CNTN1: variants seen among roughly 807,000 people sequenced by gnomAD.
CNTN1 encodes the protein contactin 1.
In CNTN1, 38 loss-of-function variants were observed where a neutral mutation model predicts 126.4. That is an observed-to-expected ratio of 0.30 (90% CI 0.23 to 0.39). The LOEUF is 0.39. Ranked by LOEUF, CNTN1 falls within the 10% of genes least tolerant of loss-of-function variation. The probability of loss-of-function intolerance (pLI) is 1.00; values close to 1 mark genes in which losing one functional copy is unlikely to be tolerated. For synonymous variants in CNTN1, 413 were observed against 422.6 expected (o/e 0.98, Z 0.28); for missense variants, 1,009 against 1,248.4 (o/e 0.81, Z 2.89).
At chr12:41,051,586 A>T (rs1346853725) in intron 23 of CNTN1, among the ~76,000 whole-genome samples, 1 of 152,104 alleles carries the variant, frequency 6.6e-6, no homozygotes. Context: ...CTATTATATT[A>T]TTCTACAATT....
At chr12:40,860,807 T>G (rs1943092532) in intron 1 of CNTN1, among the ~76,000 whole-genome samples, 1 of 152,104 alleles carries the variant, frequency 6.6e-6, no homozygotes, top group Non-Finnish European at 1.5e-5. Context: ...TACTTACACA[T>G]GATTCATTGG....
At position 40,906,669 on chromosome 12, in the gene CNTN1, C is replaced by CTTTTTTTTTTTTTTTTTTTTTTTTTTT. The variant is rs111442544; in HGVS notation, c.-76-1679_-76-1678insTTTTTTTTTTTTTTTTTTTTTTTTTTT. ...TTTCCTTTTAAAATTGTTTTTCATG[C>CTTTTTTTTTTTTTTTTTTTTTTTTTTT]TTTTTTTTTGTTTTGTTTTTTTTGA... is the stretch of plus-strand genomic sequence containing the variant. On this transcript the variant is annotated intron_variant, in intron 1 of 23. Transcript: ENST00000551295. 1.9e-4 allele frequency among the ~76,000 whole-genome samples: 20 copies of CTTTTTTTTTTTTTTTTTTTTTTTTTTT among 107,130 alleles called. 3 individuals carry two copies. Among genetic ancestry groups the CTTTTTTTTTTTTTTTTTTTTTTTTTTT allele is most frequent in the Admixed American group, 2.1e-4 (2 of 9,450 alleles). 70.3% of individuals were successfully genotyped at this position (107,130 alleles called of 152,430 possible).
chr12:41,009,628 G>A (rs1029406452), intron 17 of CNTN1, among the ~76,000 whole-genome samples: 1 of 152,206 alleles, frequency 6.6e-6, no homozygotes, highest in Non-Finnish European at 1.5e-5. Flanking sequence ...TCCCCATTGA[G>A]TTTTATGTGC....
At chr12:40,973,398 CT>C (rs1309039469) in intron 15 of CNTN1, among the ~76,000 whole-genome samples, 6 of 152,076 alleles carry the variant, frequency 3.9e-5, no homozygotes, top group African/African-American at 1.2e-4. Flanking sequence ...AAGAAGATGT[CT>C]CCTGCCCTAA....
intron 1 of CNTN1, among the ~76,000 whole-genome samples, chr12:40,772,963 C>T (rs1370266643): frequency 2.6e-5 from 4 of 151,776 alleles, no homozygotes; most frequent in Admixed American, 6.6e-5. Flanking sequence ...GTATACATAT[C>T]GTGTGTGCGA....
chr12:40,948,787 T>G (rs1367866074), intron 14 of CNTN1, among the ~76,000 whole-genome samples: 1 of 152,224 alleles, frequency 6.6e-6, no homozygotes, highest in East Asian at 1.9e-4. Context: ...TAATGAACCT[T>G]GTATGCTCAC....
chr12:40,826,132 G>C (rs143900677), intron 1 of CNTN1, among the ~76,000 whole-genome samples: 1 of 152,062 alleles, frequency 6.6e-6, no homozygotes. Context: ...TGTAATTATC[G>C]TAGGTTTTGT....
At chr12:41,002,179 C>T (rs993932062) in intron 17 of CNTN1, among the ~76,000 whole-genome samples, 1 of 152,082 alleles carries the variant, frequency 6.6e-6, no homozygotes, top group African/African-American at 2.4e-5. Flanking sequence ...TGAAGAATCT[C>T]AATGGTAATT....
At chr12:40,846,867 A>T (rs868637827) in intron 1 of CNTN1, among the ~76,000 whole-genome samples, 20 of 147,874 alleles carry the variant, frequency 1.4e-4, no homozygotes, top group African/African-American at 4.7e-4. Context: ...ATTTTTTTTT[A>T]TTATTTTTAT....
intron 23 of CNTN1, among the ~76,000 whole-genome samples, chr12:41,066,050 A>G (rs544599173): frequency 6.6e-6 from 1 of 152,302 alleles, no homozygotes; most frequent in Admixed American, 6.5e-5. Flanking sequence ...GCAGTGGGGA[A>G]TCAACCATCT....
At chr12:40,894,447 A>G (rs552304175) in intron 1 of CNTN1, among the ~76,000 whole-genome samples, 41 of 152,336 alleles carry the variant, frequency 2.7e-4, no homozygotes, top group Non-Finnish European at 3.7e-4. Flanking sequence ...CGACTACAGT[A>G]ACGCAAAATG....
In CNTN1 at chr12:40,750,897, G is replaced by A. The variant is rs547791060; in HGVS notation, c.-77+58305G>A. Among the ~76,000 whole-genome samples, 255 of 152,150 alleles carry A rather than the reference G, an allele frequency of 1.7e-3. 7 individuals are homozygous for A. The highest frequency in any genetic ancestry group is 0.017 in the Admixed American group (254 of 15,254). The stretch of plus-strand genomic sequence containing the variant: ...TTTGGGTATTTATGGCACAGATATG[G>A]TAATTTAAACCATGGTGTAAAATAT... On this transcript the variant is annotated intron_variant, in intron 1 of 23. Transcript: ENST00000551295.
chr12:40,718,422 G>T (rs565021163), intron 1 of CNTN1, among the ~76,000 whole-genome samples: 1 of 151,754 alleles, frequency 6.6e-6, no homozygotes, highest in East Asian at 1.9e-4. Context: ...CTCATAATCC[G>T]CCCGCCTGGG....
chr12:41,068,455 C>T (rs1296901035), intron 23 of CNTN1, among the ~76,000 whole-genome samples: 1 of 152,112 alleles, frequency 6.6e-6, no homozygotes, highest in Non-Finnish European at 1.5e-5. Context: ...CTTTCCTGCT[C>T]ATTTCTAAGA....
Position 41,027,888 on chromosome 12 carries a change from A to G in CNTN1, c.2742A>G (p.Ser914=), listed in dbSNP as rs1210211869. Residue 914 remains serine (S), a synonymous_variant, in exon 22 of 24, where the codon TCA becomes TCG. Coordinates refer to ENST00000551295, the MANE Select transcript of CNTN1 (RefSeq NM_001843.4). Reference sequence around the variant, plus strand: ...GCCAGCCTCCAAGGATCATCAGTTCAGTAAGGTCTGGTTCACGCTATATAA... The same window carrying G: ...GCCAGCCTCCAAGGATCATCAGTTCGGTAAGGTCTGGTTCACGCTATATAA... ...PPSQPPRIIS[S]VRSGSRYIIT... is the part of the protein sequence containing the mutation. 6.2e-7 allele frequency: 1 copy of G among 1,613,834 alleles called. No homozygotes were observed. The highest frequency in any genetic ancestry group is 1.3e-5 in the African/African-American group (1 of 75,026).
chr12:40,748,004 C>T (rs375272562), intron 1 of CNTN1, among the ~76,000 whole-genome samples: 2 of 152,158 alleles, frequency 1.3e-5, no homozygotes. Context: ...GCATAAAATA[C>T]GAAGTTCAGA....
At chr12:40,763,411 ATATT>A (rs1938944981) in intron 1 of CNTN1, among the ~76,000 whole-genome samples, 1 of 152,234 alleles carries the variant, frequency 6.6e-6, no homozygotes, top group Non-Finnish European at 1.5e-5. Context: ...GTTAAGTAAT[ATATT>A]TATTAAGTAA....
At chr12:40,920,018 G>A (rs1259198413) in intron 4 of CNTN1, among the ~76,000 whole-genome samples, 3 of 152,130 alleles carry the variant, frequency 2.0e-5, no homozygotes, top group Non-Finnish European at 2.9e-5. Context: ...AAGTAAATTT[G>A]CTTGCTCAAG....
chr12:40,788,390 T>C (rs1940105034), intron 1 of CNTN1, among the ~76,000 whole-genome samples: 1 of 152,130 alleles, frequency 6.6e-6, no homozygotes, highest in African/African-American at 2.4e-5. Flanking sequence ...TCCACCCTGA[T>C]GCAGTAGCCA....
Sources: gnomAD v4.1 joint callset for allele counts (sites outside exome capture counted in the v4.1 genomes callset) on GRCh38, gnomAD v4.1.1 for gene constraint, MANE v1.5 for transcripts, NCBI Gene and HGNC (gene_info 2026-07-23, HGNC 2026-07-21) for gene names.